SCNN1A: variants seen among roughly 807,000 people sequenced by gnomAD.
SCNN1A encodes the protein sodium channel epithelial 1 subunit alpha.
A neutral mutation model predicts 68.6 loss-of-function variants in SCNN1A; 65 were observed. The ratio of observed to expected loss-of-function variants is 0.95; its 90% CI spans 0.78 to 1.16. The LOEUF (loss-of-function observed/expected upper bound fraction) is 1.16, where lower values mean the gene tolerates loss of function less well. Ranked by LOEUF, SCNN1A falls within the 50% of genes most tolerant of loss-of-function variation. SCNN1A has a pLI of 0.00. For synonymous variants in SCNN1A, 357 were observed against 353.3 expected, an observed-to-expected ratio of 1.01 and a Z score of -0.12; for missense variants, 880 against 865.9, an observed-to-expected ratio of 1.02 and a Z score of -0.20.
upstream of SCNN1A, chr12:6,375,931 G>C (rs1697066488): frequency 2.7e-6 from 3 of 1,116,070 alleles, no homozygotes; most frequent in Admixed American, 4.8e-5. Context: ...CAGAGAGATA[G>C]GGATGGAGGA....
Position 6,347,917 on chromosome 12 carries a change from A to G in SCNN1A, c.1966T>C (p.Ser656Pro), listed in dbSNP as rs752223228. Reference sequence around the variant, plus strand: ...CAGGTGGAGGAACTGGCCCCTGCAGAGCCCCCTGGAGATGGGCGGGGGCCC... The same window carrying G: ...CAGGTGGAGGAACTGGCCCCTGCAGGGCCCCCTGGAGATGGGCGGGGGCCC... Reference protein sequence around the residue: ...TLGPRPSPGGSAGASSSTCPL... With the variant: ...TLGPRPSPGGPAGASSSTCPL... The change falls in exon 13 of 13, where the codon TCT (serine) becomes CCT (proline). Residue 656 changes from serine (S) to proline (P), a missense_variant. Transcript: ENST00000228916. 1.5e-5 allele frequency: 24 copies of G among 1,594,258 alleles called. No homozygotes were observed. The highest frequency in any genetic ancestry group is 2.0e-5 in the Non-Finnish European group (23 of 1,169,898).
intron 4 of SCNN1A, 135 bp from the exon 5 acceptor site, chr12:6,356,015 G>C (rs1047522997): frequency 3.6e-4 from 274 of 754,246 alleles, no homozygotes; most frequent in Non-Finnish European, 1.6e-4. Flanking sequence ...TTTGTTTCCT[G>C]ATCACCTACT....
At chr12:6,356,224 C>T (rs536870725) in intron 4 of SCNN1A, 22 of 374,464 alleles carry the variant, frequency 5.9e-5, no homozygotes, top group Middle Eastern at 8.4e-4. Flanking sequence ...CATTGACTTC[C>T]GTGCTGCCTT....
intron 2 of SCNN1A, among the ~76,000 whole-genome samples, chr12:6,364,654 C>T (rs1175118511): frequency 6.6e-6 from 1 of 151,272 alleles, no homozygotes; most frequent in African/African-American, 2.4e-5. Context: ...CCCAGCTACT[C>T]GGGAGGCTGA....
chr12:6,375,032 G>A (rs1267832589), intron 1 of SCNN1A, 195 bp from the exon 2 acceptor site: 14 of 1,540,244 alleles, frequency 9.1e-6, no homozygotes, highest in African/African-American at 1.4e-5. Flanking sequence ...GCAGACCTGC[G>A]GGAGTTGGGG....
chr12:6,360,240 C>T (rs1948561223), intron 4 of SCNN1A, among the ~76,000 whole-genome samples: 1 of 152,146 alleles, frequency 6.6e-6, no homozygotes, highest in South Asian at 2.1e-4. Context: ...GGTATAACAA[C>T]CCAGGCGAGC....
Position 6,355,323 on chromosome 12 carries a change from A to G in SCNN1A, c.1092T>C (p.Asp364=), listed in dbSNP as rs1241087665. ...CGCCAGGCCGCAAGTTAAAGCCACC[A>G]TCATCCATAAAGGCAGGTTCATCCT... ...HGQDEPAFMD[D]GGFNLRPGVE... Residue 364 remains aspartate (D), a synonymous_variant, in exon 6 of 13, where the codon GAT becomes GAC. Transcript: ENST00000228916. The G allele has an allele frequency of 6.2e-7, 1 of 1,613,852 alleles. No individual in the cohort carries two copies. Among genetic ancestry groups the G allele is most frequent in the South Asian group, 1.1e-5 (1 of 91,000 alleles).
intron 2 of SCNN1A, among the ~76,000 whole-genome samples, chr12:6,365,579 C>T (rs1948662333): frequency 6.6e-6 from 1 of 152,182 alleles, no homozygotes; most frequent in South Asian, 2.1e-4. Context: ...TTGGCCAAAA[C>T]ACCAATTCAA....
intron 2 of SCNN1A, among the ~76,000 whole-genome samples, chr12:6,366,116 T>A (rs918519573): frequency 6.6e-6 from 1 of 151,960 alleles, no homozygotes; most frequent in Non-Finnish European, 1.5e-5. Flanking sequence ...GGCCTCCCAA[T>A]GTGTTGGGAT....
Position 6,347,961 on chromosome 12 carries a change from G to A in SCNN1A, c.1922C>T (p.Pro641Leu), listed in dbSNP as rs1948291923. 1 of 1,566,518 alleles carries A rather than the reference G, an allele frequency of 6.4e-7. No individual in the cohort carries two copies. Residue 641 changes from proline (P) to leucine (L), a missense_variant, in exon 13 of 13, where the codon CCC becomes CTC. Physicochemically the swap from Pro to Leu is moderately conservative, Grantham distance 98. Transcript: ENST00000228916. ...GGGGCCCAGGGTGGCATAGGCAGGG[G>A]GAGGGGCTGTCAAGGCTGGAGAGGG... ...PAPSPALTAP[P>L]PAYATLGPRP...
upstream of SCNN1A, chr12:6,375,890 G>T: frequency 7.9e-7 from 1 of 1,266,052 alleles, no homozygotes; most frequent in Non-Finnish European, 9.9e-7. Context: ...AGGGCAGAAA[G>T]AGGGAGACAA....
Position 6,355,252 on chromosome 12 carries a change from C to T in SCNN1A, c.1143+20G>A, listed in dbSNP as rs1057102504. ...GCAATCTGAGGCGCTCCTTCCAGGC[C>T]TCCCAGTCAGCATCCTTGCCTTCCT... On this transcript the variant is annotated intron_variant, in intron 6 of 12. Transcript: ENST00000228916. 3.7e-6 allele frequency: 6 copies of T among 1,609,022 alleles called. No individual in the cohort carries two copies. The highest frequency in any genetic ancestry group is 5.1e-6 in the Non-Finnish European group (6 of 1,177,600).
chr12:6,348,667 C>T, intron 12 of SCNN1A, 60 bp downstream of exon 12: 1 of 1,451,156 alleles, frequency 6.9e-7, no homozygotes, highest in Non-Finnish European at 9.7e-7. Context: ...TTTTCCCCGA[C>T]AGCCGCCCTG....
intron 2 of SCNN1A, chr12:6,364,078 C>G (rs975336909): frequency 5.6e-6 from 1 of 179,082 alleles, no homozygotes; most frequent in East Asian, 1.4e-4. Flanking sequence ...TTGGCGTGAC[C>G]GCGGTACCCA....
At chr12:6,369,628 T>C (rs1476253323) in intron 2 of SCNN1A, among the ~76,000 whole-genome samples, 4 of 152,114 alleles carry the variant, frequency 2.6e-5, no homozygotes, top group South Asian at 4.2e-4. Context: ...GTCAGGAGAT[T>C]GAGACCATCC....
At position 6,370,085 on chromosome 12, in the gene SCNN1A, T is replaced by G. The variant is rs868458307; in HGVS notation, c.416+4283A>C. Among the ~76,000 whole-genome samples, 69 of 152,314 alleles carry G rather than the reference T, an allele frequency of 4.5e-4. 1 individual carries two copies. The highest frequency in any genetic ancestry group is 6.8e-3 in the Middle Eastern group (2 of 294). ...CCTTGACCTCCTCCTCAGGTCATGC[T>G]CACTGCCCTCACTCCCATCTGCTCT... On this transcript the variant is annotated intron_variant, in intron 2 of 12. Coordinates refer to ENST00000228916, the MANE Select transcript of SCNN1A (RefSeq NM_001038.6).
chr12:6,366,030 A>G (rs903327481), intron 2 of SCNN1A, among the ~76,000 whole-genome samples: 3 of 151,952 alleles, frequency 2.0e-5, no homozygotes, highest in Admixed American at 6.6e-5. Context: ...AATTTTTTGT[A>G]TTTTTAGTAG....
intron 2 of SCNN1A, among the ~76,000 whole-genome samples, chr12:6,371,942 G>A (rs1398695383): frequency 2.6e-5 from 4 of 152,070 alleles, no homozygotes; most frequent in Non-Finnish European, 4.4e-5. Flanking sequence ...GACTACAGGC[G>A]TGCGCCACCA....
At position 6,346,988 on chromosome 12, in the gene SCNN1A, T is replaced by C. The variant is rs1485116638; in HGVS notation, c.*885A>G. On this transcript the variant is annotated 3_prime_UTR_variant, in exon 13 of 13. Transcript: ENST00000228916. ...GTCTAGTTGGGAAGGGAGACACAAA[T>C]GTACAAGAAAGTATGGTGCAACAGC... is the stretch of plus-strand genomic sequence containing the variant. 6.6e-6 allele frequency: 1 copy of C among 152,494 alleles called. No homozygotes were observed. Among genetic ancestry groups the C allele is most frequent in the African/African-American group, 2.4e-5 (1 of 41,386 alleles). The allele number at this position is 152,494 out of a possible 1,614,324, so 9.4% of individuals were successfully genotyped here.
Sources: allele counts gnomAD v4.1 joint callset (sites outside exome capture counted in the v4.1 genomes callset), GRCh38; gene constraint gnomAD v4.1.1; transcripts MANE v1.5; gene names NCBI Gene and HGNC (gene_info 2026-07-23, HGNC 2026-07-21).